The following P2RX5 variants were observed in gnomAD, a reference collection of about 807,000 sequenced individuals.
P2RX5 encodes P2X purinoceptor 5.
P2RX5 carries 46 observed loss-of-function variants against 54.1 expected under a neutral mutation model. That is an observed-to-expected ratio of 0.85 (90% CI 0.67 to 1.09). P2RX5 has a LOEUF of 1.09. Among genes scored for constraint, P2RX5 ranks in the 50% least tolerant of loss-of-function variants. The pLI is 0.00. For missense variants in P2RX5, 566 were observed against 549.8 expected, an observed-to-expected ratio of 1.03 and a Z score of -0.29; for synonymous variants, 226 against 226.4, an observed-to-expected ratio of 1.00 and a Z score of 0.02.
rs571228301 is a variant in P2RX5, at chr17:3,676,994, G to A, written c.1259+2596C>T. 16 of 689,520 alleles carry A rather than the reference G, an allele frequency of 2.3e-5. No individual in the cohort carries two copies. In the South Asian group the frequency reaches 2.6e-4, roughly 11 times the overall value. The allele number at this position is 689,520 out of a possible 1,614,324, so 42.7% of individuals were successfully genotyped here. Reference sequence around the variant, plus strand: ...GGAGAATCGATTGAACCTGGGAGGCGGAGGTTCCAGTAAGCCAAGATCACG... The same window carrying A: ...GGAGAATCGATTGAACCTGGGAGGCAGAGGTTCCAGTAAGCCAAGATCACG... On this transcript the variant is annotated intron_variant, in intron 11 of 11. Coordinates refer to ENST00000225328, the MANE Select transcript of P2RX5 (RefSeq NM_002561.4).
intron 1 of P2RX5, 127 bp downstream of exon 1, chr17:3,695,742 C>G: frequency 8.5e-7 from 1 of 1,170,932 alleles, no homozygotes; most frequent in Admixed American, 1.8e-5. Context: ...CAAGCAGGCT[C>G]ACAGACCCCC....
At position 3,673,884 on chromosome 17, in the gene P2RX5, T is replaced by A. The variant is rs1338456601; in HGVS notation, c.1260-7A>T. 6.2e-7 allele frequency: 1 copy of A among 1,611,402 alleles called. No homozygotes were observed. Among genetic ancestry groups the A allele is most frequent in the East Asian group, 2.2e-5 (1 of 44,796 alleles). On this transcript the variant is annotated splice_polypyrimidine_tract_variant and splice_region_variant and intron_variant, in intron 11 of 11. Coordinates refer to ENST00000225328, the MANE Select transcript of P2RX5 (RefSeq NM_002561.4). ...AGAGGCAATTCACGTGCTCCTGGAA[T>A]ATCAGAACAGAAAGGAGCTCTTGAG...
At chr17:3,699,853 A>AGAAAG (rs1555571290), upstream of P2RX5, among the ~76,000 whole-genome samples, 23 of 80,932 alleles carry the variant, frequency 2.8e-4, no homozygotes, top group African/African-American at 8.7e-4. Flanking sequence ...AGAAAAAGAA[A>AGAAAG]AAAGAAAGAA....
the P2RX5 span, chr17:3,721,820 T>C: frequency 1.4e-5 from 2 of 146,606 alleles, no homozygotes; most frequent in East Asian, 4.2e-4. Context: ...CTGAGGTGGG[T>C]AGATCATCTG....
the P2RX5 span, among the ~76,000 whole-genome samples, chr17:3,716,337 G>A: frequency 3.3e-5 from 5 of 152,274 alleles, no homozygotes; most frequent in Admixed American, 6.5e-5. Context: ...AGGCCTTACC[G>A]TTAAGGCCTC....
At position 3,690,159 on chromosome 17, in the gene P2RX5, C is replaced by T; in HGVS notation, c.534-9G>A. ...CCTTCAGGAATGGCTCCCTGAAAACCAACCCAGAACAGCCTGTCCAGGAGG... is the reference window on the plus strand; with the variant it reads ...CCTTCAGGAATGGCTCCCTGAAAACTAACCCAGAACAGCCTGTCCAGGAGG... On this transcript the variant is annotated splice_polypyrimidine_tract_variant and intron_variant, in intron 5 of 11. Coordinates refer to ENST00000225328, the MANE Select transcript of P2RX5 (RefSeq NM_002561.4). The T allele has an allele frequency of 1.2e-6, 2 of 1,613,180 alleles. No homozygotes were observed. The highest frequency in any genetic ancestry group is 1.7e-6 in the Non-Finnish European group (2 of 1,179,132).
rs1309644697 is a variant in P2RX5 at position 3,680,133 on chromosome 17, A to G, written c.1065-349T>C. Among the ~76,000 whole-genome samples, 397 of 72,208 alleles carry G rather than the reference A, an allele frequency of 5.5e-3. 17 individuals are homozygous for G. Among genetic ancestry groups the G allele is most frequent in the Admixed American group, 0.041 (284 of 6,864 alleles). 47.4% of individuals were successfully genotyped at this position (72,208 alleles called of 152,430 possible). On this transcript the variant is annotated intron_variant, in intron 10 of 11. Coordinates refer to ENST00000225328, the MANE Select transcript of P2RX5 (RefSeq NM_002561.4). ...CTCCACCCTGCATCCTCCACCCTGC[A>G]TCCTCCACCCTGAGTCCTCCATCCG...
the P2RX5 span, chr17:3,720,507 CTTAG>C: frequency 1.6e-6 from 1 of 639,648 alleles, no homozygotes; most frequent in Admixed American, 2.4e-5. Context: ...TATTCCTGGG[CTTAG>C]TTAATGGCCC....
At chr17:3,679,296 G>A (rs1025150291) in intron 11 of P2RX5, among the ~76,000 whole-genome samples, 1 of 152,178 alleles carries the variant, frequency 6.6e-6, no homozygotes, top group Non-Finnish European at 1.5e-5. Context: ...GTACAGAGGG[G>A]TTCCAGGCAG....
At chr17:3,702,616 C>T in the P2RX5 span, among the ~76,000 whole-genome samples, 12 of 152,172 alleles carry the variant, frequency 7.9e-5, no homozygotes, top group Non-Finnish European at 1.5e-4. Flanking sequence ...CTGAAGTCAG[C>T]GAGACCATGA....
rs370948586 is a variant in P2RX5, at chr17:3,689,491, C to T, written c.753+1G>A. The T allele has an allele frequency of 1.9e-6, 3 of 1,614,062 alleles. No homozygotes were observed. The highest frequency in any genetic ancestry group is 2.5e-6 in the Non-Finnish European group (3 of 1,179,992). On this transcript the variant is annotated splice_donor_variant, in intron 7 of 11. Transcript: ENST00000225328. LOFTEE classifies it high-confidence loss of function. Reference sequence around the variant, plus strand: ...GGGCTCCCTGCGTGCACCCCACCCACCTCCAGGGCTATATCCTGGAAGTCG... The same window carrying T: ...GGGCTCCCTGCGTGCACCCCACCCATCTCCAGGGCTATATCCTGGAAGTCG...
At chr17:3,703,091 A>G in the P2RX5 span, among the ~76,000 whole-genome samples, 2 of 152,250 alleles carry the variant, frequency 1.3e-5, no homozygotes, top group South Asian at 4.1e-4. Flanking sequence ...TCTGATCCCA[A>G]GCTTTCCCCA....
intron 9 of P2RX5, among the ~76,000 whole-genome samples, chr17:3,684,744 G>C (rs1480145160): frequency 6.6e-6 from 1 of 151,990 alleles, no homozygotes; most frequent in Non-Finnish European, 1.5e-5. Flanking sequence ...GCATGTCCAA[G>C]GATGTGTGTA....
chr17:3,690,316 A>G, intron 5 of P2RX5, 111 bp downstream of exon 5: 1 of 1,124,294 alleles, frequency 8.9e-7, no homozygotes, highest in Non-Finnish European at 1.3e-6. Context: ...GGACAGCCTG[A>G]CTCCTCCCTC....
rs549531328 is a variant in P2RX5 at position 3,685,491 on chromosome 17, C to T, written c.981+2521G>A. 17 of 154,290 alleles carry T rather than the reference C, an allele frequency of 1.1e-4. 1 individual carries two copies. The South Asian group carries it at 1.2e-3, about 11-fold the overall frequency. The allele number at this position is 154,290 out of a possible 1,614,324, so 9.6% of individuals were successfully genotyped here. A position where few individuals can be genotyped will look rare whatever the true frequency, so the allele number is the denominator to read the frequency against. On this transcript the variant is annotated intron_variant, in intron 9 of 11. Transcript: ENST00000225328. Reference sequence around the variant, plus strand: ...CGGCCGCCGGGGAGAGGGTGGGACGCGGGGAGGGAGGGGAGGTACTCCCAG... The same window carrying T: ...CGGCCGCCGGGGAGAGGGTGGGACGTGGGGAGGGAGGGGAGGTACTCCCAG...
chr17:3,679,195 CCTTTCTGT>C (rs771164656), intron 11 of P2RX5, among the ~76,000 whole-genome samples: 3 of 152,190 alleles, frequency 2.0e-5, no homozygotes, highest in Non-Finnish European at 4.4e-5. Context: ...AATTACCGAG[CCTTTCTGT>C]GCCTCAGCTT....
upstream of P2RX5, among the ~76,000 whole-genome samples, chr17:3,698,531 C>T (rs1252935318): frequency 6.6e-6 from 1 of 152,122 alleles, no homozygotes; most frequent in Non-Finnish European, 1.5e-5. Context: ...GAGCCTACCA[C>T]TAGCCCCAGT....
rs764792868 is a variant in P2RX5 at position 3,681,975 on chromosome 17, C to G, written c.985G>C (p.Ala329Pro). 3.7e-6 allele frequency: 6 copies of G among 1,610,722 alleles called. No homozygotes were observed. Among genetic ancestry groups the G allele is most frequent in the Non-Finnish European group, 5.1e-6 (6 of 1,177,040 alleles). Reference sequence around the variant, plus strand: ...ATGAGTACCAGGTCGCAGAAGAAAGCACCCTGCAAAACAGGGGTTCCTGAT... The same window carrying G: ...ATGAGTACCAGGTCGCAGAAGAAAGGACCCTGCAAAACAGGGGTTCCTGAT... ...RFDVMVNGKG[A>P]FFCDLVLIYL... Residue 329 changes from alanine to proline, a missense_variant, in exon 10 of 12, where the codon GCT becomes CCT. Transcript: ENST00000225328.
the P2RX5 span, among the ~76,000 whole-genome samples, chr17:3,708,006 C>T: frequency 2.8e-4 from 41 of 146,408 alleles, 1 homozygote; most frequent in Admixed American, 2.4e-3. Flanking sequence ...TGCAGTGAGC[C>T]GAGATCATGC....
Sources: gnomAD v4.1 joint callset for allele counts (sites outside exome capture counted in the v4.1 genomes callset) on GRCh38, gnomAD v4.1.1 for gene constraint, MANE v1.5 for transcripts, NCBI Gene and HGNC (gene_info 2026-07-23, HGNC 2026-07-21) for gene names.